GBA2: variants seen among roughly 807,000 people sequenced by gnomAD.
GBA2 encodes non-lysosomal glucosylceramidase.
A neutral mutation model predicts 112.9 loss-of-function variants in GBA2; 79 were observed. The ratio of observed to expected loss-of-function variants is 0.70; its 90% CI spans 0.58 to 0.84. The LOEUF is 0.84. GBA2 is among the 40% of genes least tolerant of loss of function. GBA2 has a pLI of 0.00. For synonymous variants in GBA2, 403 were observed against 434.3 expected, an observed-to-expected ratio of 0.93 and a Z score of 0.90; for missense variants, 1,043 against 1,190.0, an observed-to-expected ratio of 0.88 and a Z score of 1.82.
Position 35,740,465 on chromosome 9 carries a change from C to T in GBA2, c.1129+61G>A, listed in dbSNP as rs1329574974. The stretch of plus-strand genomic sequence containing the variant: ...CCTACTTATTACCAGGCCTCCCACC[C>T]CTGGTCCCAAGACAGGGACAACCTC... On this transcript the variant is annotated intron_variant, in intron 6 of 16. Transcript: ENST00000378103. This position sits in a 1 kb window ranked among gnomAD's most constrained non-coding sequence, Gnocchi z 4.7. 1.8e-5 allele frequency: 29 copies of T among 1,571,614 alleles called. No individual in the cohort carries two copies. Among genetic ancestry groups the T allele is most frequent in the Non-Finnish European group, 2.5e-5 (29 of 1,144,392 alleles).
Position 35,738,534 on chromosome 9 carries a change from T to C in GBA2, c.2046A>G (p.Thr682=). ...ADQTYDGWVT[T]GPSAYCGGLW... is the part of the protein sequence containing the mutation. Reference sequence around the variant, plus strand: ...AACCCCTACCCGCTAACCTGGGGCCTGTGGTCACCCATCCATCATAGGTCT... The same window carrying C: ...AACCCCTACCCGCTAACCTGGGGCCCGTGGTCACCCATCCATCATAGGTCT... Residue 682 remains threonine, a synonymous_variant, in exon 13 of 17, where the codon ACA becomes ACG. Coordinates refer to ENST00000378103, the MANE Select transcript of GBA2 (RefSeq NM_020944.3). 6.2e-7 allele frequency: 1 copy of C among 1,611,524 alleles called. No homozygotes were observed. The highest frequency in any genetic ancestry group is 8.5e-7 in the Non-Finnish European group (1 of 1,177,558).
intron 3 of GBA2, 61 bp downstream of exon 3, chr9:35,744,236 A>G (rs1379450152): frequency 5.6e-6 from 5 of 888,168 alleles, no homozygotes; most frequent in African/African-American, 3.3e-5. Flanking sequence ...ACTAGCCAAG[A>G]GGTCCTTCCT....
Position 35,748,948 on chromosome 9 carries a change from C to T in GBA2, c.-244G>A. ...AGGTCCTGGACGGGAAGGGTCGGGC[C>T]TCGTCGTCATTGAGCCGACGATTAG... On this transcript the variant is annotated 5_prime_UTR_variant, in exon 1 of 17. Transcript: ENST00000378103. The T allele has an allele frequency of 2.6e-6, 1 of 388,566 alleles. No homozygotes were observed. The highest frequency in any genetic ancestry group is 4.6e-6 in the Non-Finnish European group (1 of 219,682). 24.1% of individuals were successfully genotyped at this position (388,566 alleles called of 1,614,324 possible).
Position 35,740,337 on chromosome 9 carries a change from T to C in GBA2, c.1155A>G (p.Gly385=). The C allele has an allele frequency of 6.2e-7, 1 of 1,613,552 alleles. No homozygotes were observed. ...CACACACAGCTCCAGCAATGCCTAC[T>C]CCTTTCTGCGTAGGGGTGCTTTGGC... ...PTGQSTPTQK[G]VGIAGAVCVS... is the part of the protein sequence containing the mutation. Residue 385 remains glycine (G), a synonymous_variant, in exon 7 of 17, where the codon GGA becomes GGG. Coordinates refer to ENST00000378103, the MANE Select transcript of GBA2 (RefSeq NM_020944.3). This position sits in a 1 kb window ranked among gnomAD's most constrained non-coding sequence, Gnocchi z 4.7.
intron 1 of GBA2, among the ~76,000 whole-genome samples, chr9:35,745,209 G>T (rs1019348463): frequency 6.6e-6 from 1 of 151,714 alleles, no homozygotes; most frequent in South Asian, 2.1e-4. Flanking sequence ...TGCAAACTCC[G>T]CCTCCCAAGT....
Position 35,740,933 on chromosome 9 carries a change from C to T in GBA2, c.918G>A (p.Trp306Ter). The T allele has an allele frequency of 6.2e-7, 1 of 1,614,172 alleles. No homozygotes were observed. The highest frequency in any genetic ancestry group is 8.5e-7 in the Non-Finnish European group (1 of 1,180,016). ...TACGCTCCAGACAGAAGGGCTCATTCCACAAACCCCCTGGGGCATCGTCTC... is the reference window on the plus strand; with the variant it reads ...TACGCTCCAGACAGAAGGGCTCATTTCACAAACCCCCTGGGGCATCGTCTC... ...GGGDDAPGGL[W>*]NEPFCLERSG... is the part of the protein sequence containing the mutation. The change falls in exon 5 of 17, where the codon TGG becomes TGA. Residue 306 changes from tryptophan (W) to a stop codon, truncating the protein, a stop_gained. Transcript: ENST00000378103. LOFTEE classifies it high-confidence loss of function. The surrounding 1 kb of genome is among the most constrained non-coding windows in gnomAD (Gnocchi z 4.7).
chr9:35,745,629 A>G (rs1032209488), intron 1 of GBA2, among the ~76,000 whole-genome samples: 9 of 151,740 alleles, frequency 5.9e-5, no homozygotes, highest in African/African-American at 2.2e-4. Context: ...AAAAATCCCA[A>G]CATTTTCCTG....
rs1042549418 is a variant in GBA2 at position 35,741,325 on chromosome 9, CTTTT to C, written c.787-265_787-262del. 189 of 409,404 alleles carry C rather than the reference CTTTT, an allele frequency of 4.6e-4. No homozygotes were observed. The highest frequency in any genetic ancestry group is 1.4e-3 in the Middle Eastern group (2 of 1,464). The allele number at this position is 409,404 out of a possible 1,614,324, so 25.4% of individuals were successfully genotyped here. On this transcript the variant is annotated intron_variant, in intron 4 of 16. Coordinates refer to ENST00000378103, the MANE Select transcript of GBA2 (RefSeq NM_020944.3). The surrounding 1 kb of genome is among the most constrained non-coding windows in gnomAD (Gnocchi z 4.6). ...CTCCCTTTCACAGGCCATGCAGTTT[CTTTT>C]TTTTTTTTTTTGGGGGGTGCGGTGG...
Position 35,739,728 on chromosome 9 carries a change from C to T in GBA2, c.1482G>A (p.Trp494Ter). 1.2e-6 allele frequency: 2 copies of T among 1,613,864 alleles called. No homozygotes were observed. Among genetic ancestry groups the T allele is most frequent in the Non-Finnish European group, 1.7e-6 (2 of 1,179,720 alleles). ...LYFLADGGTVWLEVLEDSLPE... is the reference protein window; with the variant it reads ...LYFLADGGTV ...GTAGGGAGTCCTCAAGAACTTCCAG[C>T]CACACTGTGCCTCCATCAGCCAGGA... Residue 494 changes from tryptophan to a stop codon, truncating the protein, a stop_gained, in exon 9 of 17, where the codon TGG (tryptophan) becomes TGA (stop). Coordinates refer to ENST00000378103, the MANE Select transcript of GBA2 (RefSeq NM_020944.3). LOFTEE classifies it high-confidence loss of function.
chr9:35,741,401 T>C lies in GBA2; in HGVS notation c.786+271A>G. On this transcript the variant is annotated intron_variant, in intron 4 of 16. Transcript: ENST00000378103. The surrounding 1 kb of genome is among the most constrained non-coding windows in gnomAD (Gnocchi z 4.6). ...GCTCCGCCTCCCGGGTTCACACCAT[T>C]ATCCTGCCTCAGCCTCCCGAGTAGC... 1.9e-6 allele frequency: 1 copy of C among 531,670 alleles called. No homozygotes were observed. The highest frequency in any genetic ancestry group is 1.9e-5 in the African/African-American group (1 of 52,506). The allele number at this position is 531,670 out of a possible 1,614,324, so 32.9% of individuals were successfully genotyped here.
chr9:35,744,604 G>C lies in GBA2; in HGVS notation c.451+11C>G. On this transcript the variant is annotated intron_variant, in intron 2 of 16. Transcript: ENST00000378103. ...CTTCTCTGAGCAGAGCAGAGATGGG[G>C]TGGGGCTCACCATAAATCTGTCTTA... 6.5e-7 allele frequency: 1 copy of C among 1,536,972 alleles called. No homozygotes were observed. The highest frequency in any genetic ancestry group is 1.1e-5 in the South Asian group (1 of 89,558).
chr9:35,749,070 C>T lies in GBA2; in HGVS notation c.-366G>A, dbSNP rs1827156948. ...CCCGGGACGGGCCCGCAAGGCACCG[C>T]CCCCGGGACCTCGGCCCGGCCCCTG... On this transcript the variant is annotated 5_prime_UTR_variant, in exon 1 of 17. Coordinates refer to ENST00000378103, the MANE Select transcript of GBA2 (RefSeq NM_020944.3). The surrounding 1 kb of genome is among the most constrained non-coding windows in gnomAD (Gnocchi z 4.4). 9.6e-6 allele frequency: 2 copies of T among 208,316 alleles called. No homozygotes were observed. Among genetic ancestry groups the T allele is most frequent in the Non-Finnish European group, 1.9e-5 (2 of 105,180 alleles). The allele number at this position is 208,316 out of a possible 1,614,324, so 12.9% of individuals were successfully genotyped here. A position where few individuals can be genotyped will look rare whatever the true frequency, so the allele number is the denominator to read the frequency against.
In GBA2 at chr9:35,738,648, G is replaced by A. The variant is rs1362862935; in HGVS notation, c.1948-16C>T. The A allele has an allele frequency of 8.7e-6, 14 of 1,604,194 alleles. No homozygotes were observed. Among genetic ancestry groups the A allele is most frequent in the Non-Finnish European group, 1.2e-5 (14 of 1,171,072 alleles). ...CCATCACAGCCTAGAGAGGGACCAA[G>A]ATGTTGAAGACCTAGGTACCGAGGA... is the stretch of plus-strand genomic sequence containing the variant. On this transcript the variant is annotated splice_polypyrimidine_tract_variant and intron_variant, in intron 12 of 16. Transcript: ENST00000378103.
chr9:35,744,512 G>T (rs986682166), intron 2 of GBA2, 100 bp from the exon 3 acceptor site: 13 of 1,040,376 alleles, frequency 1.2e-5, no homozygotes, highest in Middle Eastern at 2.0e-4. Context: ...AAACCTAGGG[G>T]ATGGAACAGT....
In GBA2 at chr9:35,738,877, C is replaced by T; in HGVS notation, c.1822G>A (p.Ala608Thr). 5 of 1,614,058 alleles carry T rather than the reference C, an allele frequency of 3.1e-6. No individual in the cohort carries two copies. The highest frequency in any genetic ancestry group is 4.2e-6 in the Non-Finnish European group (5 of 1,179,908). Residue 608 changes from alanine to threonine, a missense_variant, in exon 12 of 17, where the codon GCA becomes ACA. Ala to Thr is a moderately conservative substitution (Grantham distance 58). Coordinates refer to ENST00000378103, the MANE Select transcript of GBA2 (RefSeq NM_020944.3). ...PDDEPWLRVN[A>T]YLIHDTADWK... ...TCAGCAGTATCATGGATTAAATATG[C>T]ATTGACGCGGAGCCATGGTTCATCA...
At chr9:35,742,309 A>G (rs750639802) in intron 3 of GBA2, among the ~76,000 whole-genome samples, 219 of 152,154 alleles carry the variant, frequency 1.4e-3, no homozygotes, top group Non-Finnish European at 2.2e-3. Context: ...CTCCCTGCCC[A>G]TCAGACTCAT....
In GBA2 at chr9:35,737,553, A is replaced by G. The variant is rs753513087; in HGVS notation, c.2506-106T>C. 1 of 1,556,710 alleles carries G rather than the reference A, an allele frequency of 6.4e-7. No individual in the cohort carries two copies. Among genetic ancestry groups the G allele is most frequent in the South Asian group, 1.2e-5 (1 of 85,328 alleles). On this transcript the variant is annotated intron_variant, in intron 16 of 16. Transcript: ENST00000378103. The surrounding 1 kb of genome is among the most constrained non-coding windows in gnomAD (Gnocchi z 4.1). The stretch of plus-strand genomic sequence containing the variant: ...GAGTCTTTGCCTTCAAGGAGCTCCC[A>G]GCAAGTGGAGGAGATAACTATGACC...
rs892032709 is a variant in GBA2 at position 35,737,417 on chromosome 9, C to T, written c.2536G>A (p.Glu846Lys). 4 of 1,614,090 alleles carry T rather than the reference C, an allele frequency of 2.5e-6. No homozygotes were observed. Among genetic ancestry groups the T allele is most frequent in the Non-Finnish European group, 3.4e-6 (4 of 1,179,964 alleles). Reference sequence around the variant, plus strand: ...TCCCACACGGTACGGTAGCAGCCTTCAGCTGTCTGGAAGCCCTCCCAAGTC... The same window carrying T: ...TCCCACACGGTACGGTAGCAGCCTTTAGCTGTCTGGAAGCCCTCCCAAGTC... Reference protein sequence around the residue: ...GLTWEGFQTAEGCYRTVWERL... With the variant: ...GLTWEGFQTAKGCYRTVWERL... Residue 846 changes from glutamate to lysine, a missense_variant, in exon 17 of 17, where the codon GAA (glutamate) becomes AAA (lysine). Physicochemically the swap from Glu to Lys is moderately conservative, Grantham distance 56. Coordinates refer to ENST00000378103, the MANE Select transcript of GBA2 (RefSeq NM_020944.3). This position sits in a 1 kb window ranked among gnomAD's most constrained non-coding sequence, Gnocchi z 4.1.
rs1826367236 is a variant in GBA2, at chr9:35,738,217, G to T, written c.2197+15C>A. ...TCTCAGCTGCCTTAAGACTACTTAG[G>T]CTCCCCGAACTCACCATTCCACAGC... On this transcript the variant is annotated intron_variant, in intron 14 of 16. Coordinates refer to ENST00000378103, the MANE Select transcript of GBA2 (RefSeq NM_020944.3). 1.9e-6 allele frequency: 3 copies of T among 1,613,946 alleles called. No homozygotes were observed. Among genetic ancestry groups the T allele is most frequent in the Non-Finnish European group, 2.5e-6 (3 of 1,179,972 alleles).
Sources: allele counts gnomAD v4.1 joint callset (sites outside exome capture counted in the v4.1 genomes callset), GRCh38; gene constraint gnomAD v4.1.1; non-coding constraint Gnocchi (gnomAD v3.1); transcripts MANE v1.5; gene names NCBI Gene and HGNC (gene_info 2026-07-23, HGNC 2026-07-21).